The following BIRC6 variants were observed in gnomAD, a reference collection of about 807,000 sequenced individuals.
BIRC6 encodes dual E2 ubiquitin-conjugating enzyme/E3 ubiquitin-protein ligase BIRC6.
A neutral mutation model predicts 503.3 loss-of-function variants in BIRC6; 98 were observed. The ratio of observed to expected loss-of-function variants is 0.19; its 90% confidence interval spans 0.17 to 0.23. BIRC6 has a LOEUF of 0.23. BIRC6 is among the 10% of genes least tolerant of loss of function. The pLI is 1.00. For missense variants in BIRC6, 5,360 were observed against 5,806.0 expected (o/e 0.92, Z 2.50); for synonymous variants, 2,240 against 2,078.7 (o/e 1.08, Z -2.11).
At chr2:32,461,088 CTCT>C (rs2047904330) in intron 23 of BIRC6, among the ~76,000 whole-genome samples, 1 of 6,324 alleles carries the variant, frequency 1.6e-4, no homozygotes, top group South Asian at 8.3e-3. Context: ...CTCTCCTCTC[CTCT>C]CCTCTCCTCT....
intron 65 of BIRC6, among the ~76,000 whole-genome samples, chr2:32,554,262 A>C (rs2058634826): frequency 6.6e-6 from 1 of 152,122 alleles, no homozygotes; most frequent in Admixed American, 6.6e-5. Flanking sequence ...TTACCTTTTT[A>C]ATAGTGGTCT....
At chr2:32,366,215 A>G (rs2034909847) in intron 1 of BIRC6, among the ~76,000 whole-genome samples, 1 of 152,220 alleles carries the variant, frequency 6.6e-6, no homozygotes, top group South Asian at 2.1e-4. Flanking sequence ...TATGTGAGAA[A>G]GAATACAACG....
chr2:32,366,205 T>C (rs1477648212), intron 1 of BIRC6, among the ~76,000 whole-genome samples: 2 of 152,228 alleles, frequency 1.3e-5, no homozygotes, highest in African/African-American at 4.8e-5. Context: ...TTTACCTATG[T>C]ATGTGAGAAA....
intron 55 of BIRC6, 105 bp downstream of exon 55, chr2:32,515,875 A>G: frequency 9.3e-7 from 1 of 1,072,818 alleles, no homozygotes; most frequent in Non-Finnish European, 1.3e-6. Context: ...AGTGCCTTTA[A>G]GGATCTGAAT....
chr2:32,570,481 G>A (rs909177736), intron 65 of BIRC6, among the ~76,000 whole-genome samples: 3 of 150,782 alleles, frequency 2.0e-5, no homozygotes, highest in Non-Finnish European at 3.0e-5. Flanking sequence ...ACAGTGCGTG[G>A]CCATTTATTT....
chr2:32,571,030 C>T (rs1355260511), intron 65 of BIRC6, among the ~76,000 whole-genome samples: 1 of 151,970 alleles, frequency 6.6e-6, no homozygotes, highest in Non-Finnish European at 1.5e-5. Context: ...TTGCTTGTCT[C>T]GATCTCTTGG....
In BIRC6 at chr2:32,518,682, C is replaced by G. The variant is rs115282935; in HGVS notation, c.11494-135C>G. 0.012 allele frequency: 13,192 copies of G among 1,107,026 alleles called. 108 individuals carry two copies. The highest frequency in any genetic ancestry group is 0.014 in the Non-Finnish European group (11,516 of 798,754). 68.6% of individuals were successfully genotyped at this position (1,107,026 alleles called of 1,614,324 possible). ...AAAGTTGACCAACAAATCATGGCAACTATGCCATATCTAAATTAATTATAT... is the reference window on the plus strand; with the variant it reads ...AAAGTTGACCAACAAATCATGGCAAGTATGCCATATCTAAATTAATTATAT... On this transcript the variant is annotated intron_variant, in intron 56 of 73. Coordinates refer to ENST00000421745, the MANE Select transcript of BIRC6 (RefSeq NM_016252.4).
chr2:32,407,263 T>C (rs1015074355), intron 9 of BIRC6, among the ~76,000 whole-genome samples: 3 of 151,944 alleles, frequency 2.0e-5, no homozygotes, highest in Non-Finnish European at 2.9e-5. Flanking sequence ...CTGGCCAACA[T>C]GGTGAAACCC....
chr2:32,503,798 G>T (rs540514153), intron 49 of BIRC6, among the ~76,000 whole-genome samples: 8 of 152,236 alleles, frequency 5.3e-5, no homozygotes, highest in African/African-American at 1.9e-4. Context: ...CACAATTTAA[G>T]AAACTAAACA....
chr2:32,598,697 C>G (rs969529451), intron 69 of BIRC6, among the ~76,000 whole-genome samples: 2 of 152,066 alleles, frequency 1.3e-5, no homozygotes, highest in Non-Finnish European at 2.9e-5. Context: ...AAACTATTGG[C>G]CCATTGACTT....
chr2:32,368,898 C>G (rs930074619), intron 1 of BIRC6, among the ~76,000 whole-genome samples: 1 of 152,112 alleles, frequency 6.6e-6, no homozygotes, highest in Non-Finnish European at 1.5e-5. Context: ...GTGACCTGTC[C>G]TCCTTGGCCT....
At chr2:32,497,843 A>G (rs1572630133) in intron 45 of BIRC6, among the ~76,000 whole-genome samples, 1 of 152,164 alleles carries the variant, frequency 6.6e-6, no homozygotes, top group East Asian at 1.9e-4. Context: ...TTTCTTTTCT[A>G]ATACAAGCAT....
Position 32,448,838 on chromosome 2 carries a change from T to A in BIRC6, c.4528T>A (p.Leu1510Met). ...ACCATTTGATCCAGTCCTCTTTGAT[T>A]TGGAGATGAGTGGCTCTTCTTGTAA... Reference protein sequence around the residue: ...SSPFDPVLFDLEMSGSSCKNV... With the variant: ...SSPFDPVLFDMEMSGSSCKNV... Residue 1510 changes from leucine to methionine, a missense_variant, in exon 22 of 74, where the codon TTG (leucine) becomes ATG (methionine). This residue lies in a region of BIRC6 where 2,299 missense variants were observed against 2,267.2 expected (regional missense o/e 1.01). Coordinates refer to ENST00000421745, the MANE Select transcript of BIRC6 (RefSeq NM_016252.4). The A allele has an allele frequency of 1.2e-6, 2 of 1,613,530 alleles. No homozygotes were observed. Among genetic ancestry groups the A allele is most frequent in the South Asian group, 2.2e-5 (2 of 91,018 alleles).
intron 33 of BIRC6, among the ~76,000 whole-genome samples, 174 bp from the exon 34 acceptor site, chr2:32,476,039 A>C (rs906091223): frequency 2.0e-5 from 3 of 152,156 alleles, no homozygotes; most frequent in East Asian, 1.9e-4. Flanking sequence ...GAGAGATCTC[A>C]AAGTCAGGAT....
chr2:32,368,317 G>C (rs750860597), intron 1 of BIRC6, among the ~76,000 whole-genome samples: 4 of 152,062 alleles, frequency 2.6e-5, no homozygotes, highest in Non-Finnish European at 5.9e-5. Context: ...GAGGTGGATG[G>C]ATCTCAAGGT....
intron 9 of BIRC6, among the ~76,000 whole-genome samples, chr2:32,413,974 A>G (rs370804657): frequency 6.6e-6 from 1 of 152,210 alleles, no homozygotes; most frequent in Non-Finnish European, 1.5e-5. Context: ...TTTAGTAGAG[A>G]TGCAGCCATC....
At chr2:32,371,046 C>T (rs1369038609) in intron 1 of BIRC6, among the ~76,000 whole-genome samples, 1 of 151,570 alleles carries the variant, frequency 6.6e-6, no homozygotes, top group Non-Finnish European at 1.5e-5. Flanking sequence ...AACCCTGTCT[C>T]TACAAAAAAT....
chr2:32,406,107 T>A (rs2041181316), intron 8 of BIRC6, among the ~76,000 whole-genome samples: 1 of 152,194 alleles, frequency 6.6e-6, no homozygotes, highest in Non-Finnish European at 1.5e-5. Flanking sequence ...CACTGTACTT[T>A]CAGGCCAGGC....
intron 30 of BIRC6, 144 bp from the exon 31 acceptor site, chr2:32,470,024 T>C: frequency 1.4e-6 from 1 of 708,652 alleles, no homozygotes; most frequent in Non-Finnish European, 2.0e-6. Flanking sequence ...GATACAAATC[T>C]TGCTTTCCCA....
Sources: gnomAD v4.1 joint callset for allele counts (sites outside exome capture counted in the v4.1 genomes callset) on GRCh38, gnomAD v4.1.1 for gene constraint, gnomAD v4.1.1 regional missense constraint, MANE v1.5 for transcripts, NCBI Gene and HGNC (gene_info 2026-07-23, HGNC 2026-07-21) for gene names.